GMPR: variants seen among roughly 807,000 people sequenced by gnomAD.
GMPR encodes the protein GMP reductase 1.
A neutral mutation model predicts 38.4 loss-of-function variants in GMPR; 31 were observed. The ratio of observed to expected loss-of-function variants is 0.81; its 90% CI spans 0.61 to 1.09. The LOEUF (loss-of-function observed/expected upper bound fraction) is 1.09, where lower values mean the gene tolerates loss of function less well. Ranked by LOEUF, GMPR falls within the 50% of genes least tolerant of loss-of-function variation. GMPR has a pLI of 0.00. For synonymous variants in GMPR, 162 were observed against 173.3 expected (o/e 0.93, Z 0.51); for missense variants, 468 against 453.7 (o/e 1.03, Z -0.29).
At chr6:16,260,943 C>T (rs1483308777) in intron 4 of GMPR, among the ~76,000 whole-genome samples, 4 of 151,634 alleles carry the variant, frequency 2.6e-5, no homozygotes, top group African/African-American at 4.8e-5. Context: ...CTGAAGGAGC[C>T]GGGGAGCAGA....
intron 4 of GMPR, chr6:16,262,661 A>T (rs1759108923): frequency 6.6e-6 from 1 of 151,914 alleles, no homozygotes; most frequent in Non-Finnish European, 1.5e-5. Flanking sequence ...TAATTTTTGG[A>T]GTTTTCTTTA....
At chr6:16,242,716 G>A (rs1190572795) in intron 1 of GMPR, among the ~76,000 whole-genome samples, 3 of 151,922 alleles carry the variant, frequency 2.0e-5, no homozygotes, top group African/African-American at 4.8e-5. Context: ...TTGTCTCACC[G>A]CAACCTCCGC....
chr6:16,285,035 A>AC (rs1181713197), intron 6 of GMPR, among the ~76,000 whole-genome samples: 1 of 134,806 alleles, frequency 7.4e-6, no homozygotes, highest in South Asian at 2.1e-4. Flanking sequence ...AAAAAAAACA[A>AC]AAAAAAAAAA....
intron 7 of GMPR, among the ~76,000 whole-genome samples, chr6:16,288,718 C>G (rs1759752854): frequency 6.6e-6 from 1 of 152,192 alleles, no homozygotes; most frequent in Non-Finnish European, 1.5e-5. Flanking sequence ...AGCTGGGCTC[C>G]TCAGTCTGGT....
At chr6:16,278,939 C>A in intron 6 of GMPR, 49 bp downstream of exon 6, 1 of 1,124,922 alleles carries the variant, frequency 8.9e-7, no homozygotes, top group Non-Finnish European at 1.3e-6. Flanking sequence ...GAGGCCCCTG[C>A]TCCCTCGCTG....
chr6:16,275,185 G>A (rs1367829112), intron 5 of GMPR, among the ~76,000 whole-genome samples: 9 of 152,124 alleles, frequency 5.9e-5, no homozygotes, highest in Admixed American at 2.0e-4. Context: ...AAATTCATCC[G>A]TGCACATCCA....
intron 6 of GMPR, among the ~76,000 whole-genome samples, chr6:16,280,890 T>G (rs1426061610): frequency 5.3e-5 from 8 of 152,104 alleles, no homozygotes; most frequent in Middle Eastern, 3.2e-3. Flanking sequence ...AGTAGTGGAG[T>G]TCTGATTAAT....
Position 16,261,976 on chromosome 6 carries a change from C to T in GMPR, c.465+7241C>T, listed in dbSNP as rs376481466. Among the ~76,000 whole-genome samples, 12 of 151,852 alleles carry T rather than the reference C, an allele frequency of 7.9e-5. No homozygotes were observed. In the East Asian group the frequency reaches 1.7e-3, roughly 22 times the overall value. The stretch of plus-strand genomic sequence containing the variant: ...AAAGTGTCTCGGCCTAATAAGGGAA[C>T]TGGGCAGGTGGGGATAACTAAAAAG... On this transcript the variant is annotated intron_variant, in intron 4 of 8. Transcript: ENST00000259727.
chr6:16,286,490 G>A (rs1759682259), intron 7 of GMPR, among the ~76,000 whole-genome samples: 1 of 152,096 alleles, frequency 6.6e-6, no homozygotes, highest in Non-Finnish European at 1.5e-5. Context: ...TGGGCGTTGT[G>A]GGTGCCGGCG....
intron 7 of GMPR, among the ~76,000 whole-genome samples, chr6:16,286,614 T>G (rs1389656131): frequency 6.6e-6 from 1 of 152,102 alleles, no homozygotes; most frequent in African/African-American, 2.4e-5. Flanking sequence ...TTTTGGTTTT[T>G]GTTTTTAATT....
At chr6:16,272,217 CAAAACAA>C (rs957137323) in intron 4 of GMPR, among the ~76,000 whole-genome samples, 41 of 151,772 alleles carry the variant, frequency 2.7e-4, no homozygotes, top group African/African-American at 9.7e-4. Context: ...AAAAGCAAAA[CAAAACAA>C]AAAACAAAAA....
chr6:16,295,017 G>A lies in GMPR; in HGVS notation c.869G>A (p.Gly290Asp). 1 of 1,608,596 alleles carries A rather than the reference G, an allele frequency of 6.2e-7. No individual in the cohort carries two copies. The highest frequency in any genetic ancestry group is 1.1e-5 in the South Asian group (1 of 90,830). Residue 290 changes from glycine to aspartate, a missense_variant, in exon 9 of 9, where the codon GGT (glycine) becomes GAT (aspartate). Transcript: ENST00000259727. Reference sequence around the variant, plus strand: ...CTATCGTCTTCCAGAGCCTCTGAGGGTAAGACTGTGGAAGTTCCTTACAAA... The same window carrying A: ...CTATCGTCTTCCAGAGCCTCTGAGGATAAGACTGTGGAAGTTCCTTACAAA... ...GGVAEYRASE[G>D]KTVEVPYKGD...
At chr6:16,274,949 C>T (rs1217762423) in intron 5 of GMPR, among the ~76,000 whole-genome samples, 2 of 152,092 alleles carry the variant, frequency 1.3e-5, no homozygotes, top group Non-Finnish European at 2.9e-5. Context: ...TGACCCATGG[C>T]CTAGGTAATG....
At chr6:16,243,104 C>T (rs947108635) in intron 1 of GMPR, among the ~76,000 whole-genome samples, 4 of 152,264 alleles carry the variant, frequency 2.6e-5, no homozygotes, top group Middle Eastern at 6.8e-3. Context: ...CCATAACAGA[C>T]AGCCTTTGTA....
intron 4 of GMPR, among the ~76,000 whole-genome samples, chr6:16,259,678 G>A (rs1287538913): frequency 6.6e-6 from 1 of 151,922 alleles, no homozygotes; most frequent in East Asian, 1.9e-4. Flanking sequence ...GTGATGGCCT[G>A]GATACGGTTT....
intron 4 of GMPR, among the ~76,000 whole-genome samples, chr6:16,259,684 G>A (rs762695035): frequency 8.6e-5 from 13 of 151,780 alleles, no homozygotes; most frequent in East Asian, 3.9e-4. Flanking sequence ...GCCTGGATAC[G>A]GTTTTTGTAT....
chr6:16,245,106 A>G (rs759540069), intron 1 of GMPR, among the ~76,000 whole-genome samples: 5 of 152,212 alleles, frequency 3.3e-5, no homozygotes, highest in Non-Finnish European at 5.9e-5. Flanking sequence ...AGCCACACAC[A>G]GGGTTGCTAT....
At chr6:16,249,127 C>T (rs1758815330) in intron 2 of GMPR, among the ~76,000 whole-genome samples, 1 of 151,204 alleles carries the variant, frequency 6.6e-6, no homozygotes, top group African/African-American at 2.4e-5. Flanking sequence ...TGACTCTGGC[C>T]TTTTCCTCTT....
At position 16,250,472 on chromosome 6, in the gene GMPR, C is replaced by A. The variant is rs7747634; in HGVS notation, c.291+105C>A. 26,783 of 750,820 alleles carry A rather than the reference C, an allele frequency of 0.036. 1,202 individuals carry two copies. The highest frequency in any genetic ancestry group is 0.17 in the African/African-American group (9,873 of 58,770). The allele number at this position is 750,820 out of a possible 1,614,324, so 46.5% of individuals were successfully genotyped here. On this transcript the variant is annotated intron_variant, in intron 3 of 8. Coordinates refer to ENST00000259727, the MANE Select transcript of GMPR (RefSeq NM_006877.4). ...CAGTAGCAGAGAGACATTGAGAGTT[C>A]GGTGTTTCTCTAGCCCTGTGCCATT...
Sources: gnomAD v4.1 joint callset for allele counts (sites outside exome capture counted in the v4.1 genomes callset) on GRCh38, gnomAD v4.1.1 for gene constraint, MANE v1.5 for transcripts, NCBI Gene and HGNC (gene_info 2026-07-23, HGNC 2026-07-21) for gene names.